The following SPTBN1 variants were observed in gnomAD, a reference collection of about 807,000 sequenced individuals.
SPTBN1 encodes the protein spectrin beta, non-erythrocytic 1, also known as spectrin beta chain, non-erythrocytic 1.
In SPTBN1, 32 loss-of-function variants were observed where a neutral mutation model predicts 266.4. The ratio of observed to expected loss-of-function variants is 0.12; its 90% CI spans 0.09 to 0.16. SPTBN1 has a LOEUF of 0.16. SPTBN1 is among the 10% of genes least tolerant of loss of function. The pLI is 1.00. For synonymous variants in SPTBN1, 1,336 were observed against 1,162.2 expected (o/e 1.15, Z -3.04); for missense variants, 2,296 against 3,067.1 (o/e 0.75, Z 5.94).
chr2:54,629,372 G>T lies in SPTBN1; in HGVS notation c.2238G>T (p.Leu746=). 6.2e-7 allele frequency: 1 copy of T among 1,614,124 alleles called. No individual in the cohort carries two copies. Among genetic ancestry groups the T allele is most frequent in the Non-Finnish European group, 8.5e-7 (1 of 1,180,044 alleles). Residue 746 remains leucine, a synonymous_variant, in exon 14 of 36, where the codon CTG becomes CTT. Transcript: ENST00000356805. ...AGCGCCTGGAGGAGGCCTCCCTGCT[G>T]CACCAGTTCCAGGCAGATGCTGATG... is the stretch of plus-strand genomic sequence containing the variant. ...RKKRLEEASL[L]HQFQADADDI... is the part of the protein sequence containing the mutation.
At chr2:54,560,606 C>A (rs1446992025) in intron 2 of SPTBN1, among the ~76,000 whole-genome samples, 4 of 152,152 alleles carry the variant, frequency 2.6e-5, no homozygotes, top group Non-Finnish European at 5.9e-5. Context: ...CGCTGTTTCT[C>A]AAGGAAATCC....
At chr2:54,504,953 T>A (rs58775358) in intron 1 of SPTBN1, among the ~76,000 whole-genome samples, 1 of 152,172 alleles carries the variant, frequency 6.6e-6, no homozygotes, top group African/African-American at 2.4e-5. Flanking sequence ...TGAAATCCAA[T>A]GAAAACGTGT....
In SPTBN1 at chr2:54,629,591, C is replaced by G; in HGVS notation, c.2457C>G (p.Asp819Glu). The G allele has an allele frequency of 6.2e-7, 1 of 1,614,056 alleles. No individual in the cohort carries two copies. The highest frequency in any genetic ancestry group is 1.7e-5 in the Admixed American group (1 of 60,032). ...CCCAGGAGCATGCCGAGTCTCCAGA[C>G]GTGAGGGGCAGGCTGTCGGGCATCG... ...ALPQEHAESP[D>E]VRGRLSGIEE... The change falls in exon 14 of 36, where the codon GAC (aspartate) becomes GAG (glutamate). Residue 819 changes from aspartate to glutamate, a missense_variant. This residue lies in a region of SPTBN1 where 434 missense variants were observed against 573.9 expected (regional missense o/e 0.76). Transcript: ENST00000356805.
chr2:54,625,059 G>C (rs1047645648), intron 11 of SPTBN1, 97 bp downstream of exon 11: 3 of 1,412,296 alleles, frequency 2.1e-6, no homozygotes, highest in Non-Finnish European at 2.8e-6. Flanking sequence ...GCTGCTTATC[G>C]ACATTCATTA....
At chr2:54,496,179 G>A (rs923791500) in intron 1 of SPTBN1, among the ~76,000 whole-genome samples, 9 of 152,158 alleles carry the variant, frequency 5.9e-5, no homozygotes, top group Non-Finnish European at 1.3e-4. Flanking sequence ...ACTCACACCT[G>A]TAATCCTAGA....
intron 1 of SPTBN1, among the ~76,000 whole-genome samples, chr2:54,474,657 A>C (rs1221169197): frequency 6.6e-6 from 1 of 152,172 alleles, no homozygotes; most frequent in African/African-American, 2.4e-5. Flanking sequence ...TAGGGAGAAA[A>C]AGCAGAACAC....
At position 54,632,551 on chromosome 2, in the gene SPTBN1, C is replaced by T. The variant is rs760010247; in HGVS notation, c.3565-15C>T. 1 of 1,613,654 alleles carries T rather than the reference C, an allele frequency of 6.2e-7. No individual in the cohort carries two copies. Among genetic ancestry groups the T allele is most frequent in the Non-Finnish European group, 8.5e-7 (1 of 1,179,578 alleles). On this transcript the variant is annotated splice_polypyrimidine_tract_variant and intron_variant, in intron 16 of 35. Transcript: ENST00000356805. ...TTCATTGATCTGCTATGATTTGTTC[C>T]TCTTTTTAAATAAGGAGTATGTTCT...
intron 2 of SPTBN1, among the ~76,000 whole-genome samples, chr2:54,550,695 A>G (rs563508619): frequency 1.2e-4 from 18 of 152,240 alleles, no homozygotes; most frequent in Non-Finnish European, 2.1e-4. Flanking sequence ...TACTGTAACT[A>G]TCAATAGCTG....
chr2:54,582,009 C>T (rs529852948), intron 2 of SPTBN1, among the ~76,000 whole-genome samples: 2 of 151,908 alleles, frequency 1.3e-5, no homozygotes, highest in East Asian at 1.9e-4. Flanking sequence ...TTATCAGCAC[C>T]GAGAATACGC....
At chr2:54,596,113 C>G (rs1378804280) in intron 2 of SPTBN1, among the ~76,000 whole-genome samples, 1 of 152,170 alleles carries the variant, frequency 6.6e-6, no homozygotes, top group African/African-American at 2.4e-5. Flanking sequence ...CACCTCCTCA[C>G]GCAGCTAGCC....
intron 2 of SPTBN1, among the ~76,000 whole-genome samples, chr2:54,573,003 G>A (rs570669604): frequency 3.9e-5 from 6 of 152,292 alleles, no homozygotes; most frequent in African/African-American, 1.4e-4. Context: ...AGATGAGAAG[G>A]CGGGCCCAGA....
At chr2:54,486,396 G>C (rs1370435817) in intron 1 of SPTBN1, among the ~76,000 whole-genome samples, 1 of 152,102 alleles carries the variant, frequency 6.6e-6, no homozygotes, top group Non-Finnish European at 1.5e-5. Context: ...TTCTGCCTTG[G>C]GATCCTGTTG....
intron 7 of SPTBN1, among the ~76,000 whole-genome samples, chr2:54,620,272 T>G (rs1677908155): frequency 6.6e-6 from 1 of 152,156 alleles, no homozygotes; most frequent in African/African-American, 2.4e-5. Context: ...GGACTATGTG[T>G]CCATACAAAG....
chr2:54,574,197 A>G (rs7340250), intron 2 of SPTBN1, among the ~76,000 whole-genome samples: 6,640 of 152,094 alleles, frequency 0.044, 458 homozygotes, highest in African/African-American at 0.15. Flanking sequence ...TAATTTCACA[A>G]TCAGAAGAAT....
intron 18 of SPTBN1, among the ~76,000 whole-genome samples, chr2:54,642,208 G>A (rs1346578852): frequency 6.6e-6 from 1 of 152,214 alleles, no homozygotes; most frequent in African/African-American, 2.4e-5. Context: ...GTGGGTCTGG[G>A]CCTGGCGTTT....
At chr2:54,466,181 T>C (rs915106500) in intron 1 of SPTBN1, among the ~76,000 whole-genome samples, 3 of 152,318 alleles carry the variant, frequency 2.0e-5, no homozygotes, top group East Asian at 1.9e-4. Flanking sequence ...ATTTTTAATA[T>C]ACAAATTTGA....
At chr2:54,462,186 G>A (rs895272047) in intron 1 of SPTBN1, among the ~76,000 whole-genome samples, 2 of 152,184 alleles carry the variant, frequency 1.3e-5, no homozygotes, top group African/African-American at 2.4e-5. Flanking sequence ...CACATAGTAC[G>A]TATTTAGTTG....
chr2:54,631,872 G>T (rs1678756404), intron 16 of SPTBN1, among the ~76,000 whole-genome samples: 1 of 152,070 alleles, frequency 6.6e-6, no homozygotes, highest in African/African-American at 2.4e-5. Context: ...GATCTCTTAT[G>T]TGTTCATAGT....
chr2:54,482,993 G>T (rs1017892779), intron 1 of SPTBN1, among the ~76,000 whole-genome samples: 1 of 152,206 alleles, frequency 6.6e-6, no homozygotes, highest in Non-Finnish European at 1.5e-5. Flanking sequence ...AGGCTGGCCC[G>T]AAGGGGTGTG....
Sources: gnomAD v4.1 joint callset for allele counts (sites outside exome capture counted in the v4.1 genomes callset) on GRCh38, gnomAD v4.1.1 for gene constraint, gnomAD v4.1.1 regional missense constraint, MANE v1.5 for transcripts, NCBI Gene and HGNC (gene_info 2026-07-23, HGNC 2026-07-21) for gene names.